Variants in GSE1 observed in about 807,000 individuals in gnomAD.
GSE1 encodes genetic suppressor element 1.
Under a neutral mutation model 112.6 loss-of-function variants are expected in GSE1, and 32 were observed. The observed-to-expected ratio is 0.28, with a 90% CI of 0.21 to 0.38. GSE1 has a LOEUF of 0.38. GSE1 is among the 10% of genes least tolerant of loss of function. The pLI is 1.00. For synonymous variants in GSE1, 1,115 were observed against 735.6 expected (o/e 1.52, Z -8.35); for missense variants, 2,348 against 1,699.2 (o/e 1.38, Z -6.71).
At position 85,519,558 on chromosome 16, in the gene GSE1, C is replaced by T. The variant is rs1210311618; in HGVS notation, c.2465-114356C>T. 1.4e-4 allele frequency among the ~76,000 whole-genome samples: 3 copies of T among 21,914 alleles called. 1 individual carries two copies. The highest frequency in any genetic ancestry group is 9.1e-4 in the Admixed American group (2 of 2,188). The allele number at this position is 21,914 out of a possible 152,430, so 14.4% of individuals were successfully genotyped here. On this transcript the variant is annotated intron_variant, in intron 2 of 2. Transcript: ENST00000637419. ...ACCATCATCACTATTACCACCATCA[C>T]TATCATCATCACCATCACCAGTCTC...
At position 85,478,925 on chromosome 16, in the gene GSE1, T is replaced by C. The variant is rs1477750183; in HGVS notation, c.2464+121282T>C. ...TTTCTTTCTTTCTTTCTTTCTTTCT[T>C]TCTCTTTCTTTCTTTCTTTCTTTTT... is the stretch of plus-strand genomic sequence containing the variant. On this transcript the variant is annotated intron_variant, in intron 2 of 2. Transcript: ENST00000637419. 5.2e-3 allele frequency among the ~76,000 whole-genome samples: 245 copies of C among 46,794 alleles called. 19 individuals are homozygous for C. The highest frequency in any genetic ancestry group is 0.033 in the African/African-American group (234 of 7,158). The allele number at this position is 46,794 out of a possible 152,430, so 30.7% of individuals were successfully genotyped here. A position where few individuals can be genotyped will look rare whatever the true frequency, so the allele number is the denominator to read the frequency against.
At chr16:85,222,836 A>C (rs944057065) in intron 1 of GSE1, among the ~76,000 whole-genome samples, 2 of 152,126 alleles carry the variant, frequency 1.3e-5, no homozygotes, top group Admixed American at 6.5e-5. Flanking sequence ...TCTGCAGCAG[A>C]AGTTTGGATC....
chr16:85,575,992 G>C (rs147887971), intron 1 of GSE1, among the ~76,000 whole-genome samples: 2 of 151,522 alleles, frequency 1.3e-5, no homozygotes, highest in Non-Finnish European at 2.9e-5. Context: ...CCTGGTGTTA[G>C]AGCAGTGACG....
chr16:85,467,999 C>T (rs372764098), intron 2 of GSE1, among the ~76,000 whole-genome samples: 15 of 152,222 alleles, frequency 9.9e-5, no homozygotes, highest in African/African-American at 3.4e-4. Flanking sequence ...TGCAGACTTG[C>T]CTTCTCTCGA....
intron 1 of GSE1, among the ~76,000 whole-genome samples, chr16:85,586,400 G>A (rs549435601): frequency 5.8e-4 from 89 of 152,322 alleles, no homozygotes; most frequent in Middle Eastern, 6.8e-3. Context: ...TGCCGGGAGG[G>A]ACAGCCCCTC....
At chr16:85,654,581 C>T in intron 4 of GSE1, 131 bp downstream of exon 4, 1 of 846,866 alleles carries the variant, frequency 1.2e-6, no homozygotes, top group Admixed American at 2.4e-5. Context: ...GCCGCTGAGC[C>T]CTGGGGATTG....
At chr16:85,241,379 C>G (rs560981765) in intron 1 of GSE1, among the ~76,000 whole-genome samples, 1 of 152,376 alleles carries the variant, frequency 6.6e-6, no homozygotes, top group East Asian at 1.9e-4. Context: ...CAGGCCCTCT[C>G]TGTCTCTGCC....
intron 2 of GSE1, chr16:85,463,125 A>C (rs928337832): frequency 1.0e-6 from 1 of 984,658 alleles, no homozygotes; most frequent in African/African-American, 1.7e-5. Flanking sequence ...CCAGAACCTC[A>C]GTAAGTGCCC....
intron 2 of GSE1, among the ~76,000 whole-genome samples, chr16:85,517,758 A>G (rs1250892484): frequency 6.6e-6 from 1 of 152,212 alleles, no homozygotes; most frequent in Admixed American, 6.5e-5. Flanking sequence ...TTACATATTA[A>G]TATTTTCTAA....
At chr16:85,457,226 C>T (rs567414458) in intron 2 of GSE1, among the ~76,000 whole-genome samples, 2 of 152,180 alleles carry the variant, frequency 1.3e-5, no homozygotes, top group Admixed American at 6.5e-5. Flanking sequence ...GCAGAGGCCC[C>T]GTCAGAGCTT....
chr16:85,590,122 G>A (rs1253545910), intron 1 of GSE1, among the ~76,000 whole-genome samples: 3 of 152,098 alleles, frequency 2.0e-5, no homozygotes, highest in Non-Finnish European at 2.9e-5. Context: ...GCAATTGAAC[G>A]TGTGTGATCA....
intron 3 of GSE1, among the ~76,000 whole-genome samples, chr16:85,651,574 C>T (rs754414548): frequency 1.5e-4 from 23 of 152,318 alleles, no homozygotes; most frequent in African/African-American, 5.5e-4. Context: ...TGTGCTTTGC[C>T]GTTTGACCCG....
intron 1 of GSE1, among the ~76,000 whole-genome samples, chr16:85,564,482 AC>A (rs1368569609): frequency 6.6e-6 from 1 of 152,038 alleles, no homozygotes; most frequent in Non-Finnish European, 1.5e-5. Flanking sequence ...GCAGAGGAAA[AC>A]AGTTTGGTTT....
intron 2 of GSE1, among the ~76,000 whole-genome samples, chr16:85,550,069 G>A (rs551145179): frequency 2.0e-5 from 3 of 152,260 alleles, no homozygotes; most frequent in African/African-American, 7.2e-5. Flanking sequence ...GCCAGGCACC[G>A]GTGTGATTAC....
chr16:85,407,999 C>A (rs1470838182), intron 2 of GSE1, among the ~76,000 whole-genome samples: 3 of 53,130 alleles, frequency 5.6e-5, no homozygotes, highest in Non-Finnish European at 1.2e-4. Context: ...ACACTCAGGG[C>A]CCCCTGGATA....
intron 1 of GSE1, among the ~76,000 whole-genome samples, chr16:85,558,610 G>A (rs959559071): frequency 6.6e-6 from 1 of 152,152 alleles, no homozygotes; most frequent in African/African-American, 2.4e-5. Flanking sequence ...GACCCCCAGG[G>A]AGATTAAGAG....
intron 1 of GSE1, among the ~76,000 whole-genome samples, chr16:85,339,080 G>A (rs1295425030): frequency 6.6e-6 from 1 of 152,158 alleles, no homozygotes; most frequent in Non-Finnish European, 1.5e-5. Context: ...CCCCAACCCT[G>A]CTCTCTTCCC....
chr16:85,504,643 A>G (rs2051477702), intron 2 of GSE1, among the ~76,000 whole-genome samples: 1 of 152,262 alleles, frequency 6.6e-6, no homozygotes, highest in East Asian at 1.9e-4. Context: ...TTAAACACAA[A>G]TAAGAAATTT....
chr16:85,567,944 G>A (rs1347055664), intron 1 of GSE1, among the ~76,000 whole-genome samples: 5 of 151,946 alleles, frequency 3.3e-5, no homozygotes, highest in Admixed American at 1.3e-4. Context: ...GGCTGATCTC[G>A]CATTCCTGGG....
Sources: allele counts gnomAD v4.1 joint callset (sites outside exome capture counted in the v4.1 genomes callset), GRCh38; gene constraint gnomAD v4.1.1; transcripts MANE v1.5; gene names NCBI Gene and HGNC (gene_info 2026-07-23, HGNC 2026-07-21).